The following GNG7 variants were observed in gnomAD, a reference collection of about 807,000 sequenced individuals.
The protein encoded by GNG7 is guanine nucleotide-binding protein G(I)/G(S)/G(O) subunit gamma-7.
GNG7 carries 1 observed loss-of-function variant against 4.0 expected under a neutral mutation model. The ratio of observed to expected loss-of-function variants is 0.25; its 90% CI spans 0.09 to 1.18. GNG7 has a LOEUF of 1.18. Among genes scored for constraint, GNG7 ranks in the 50% most tolerant of loss-of-function variants. The probability of loss-of-function intolerance (pLI) is 0.50; values close to 1 mark genes in which losing one functional copy is unlikely to be tolerated. For synonymous variants in GNG7, 34 were observed against 36.9 expected (o/e 0.92, Z 0.29); for missense variants, 86 against 91.9 (o/e 0.94, Z 0.26).
intron 2 of GNG7, among the ~76,000 whole-genome samples, chr19:2,624,852 T>A (rs558427947): frequency 1.4e-4 from 22 of 152,296 alleles, no homozygotes; most frequent in African/African-American, 5.3e-4. Flanking sequence ...CTCCAGGGTG[T>A]TTACTGAGCT....
intron 3 of GNG7, among the ~76,000 whole-genome samples, chr19:2,528,850 G>A (rs1306676227): frequency 1.3e-5 from 2 of 152,238 alleles, no homozygotes; most frequent in Middle Eastern, 3.2e-3. Flanking sequence ...AGGGGTTCCA[G>A]AGTCTGGCAG....
At chr19:2,623,025 T>A (rs571934322) in intron 2 of GNG7, among the ~76,000 whole-genome samples, 111 of 152,260 alleles carry the variant, frequency 7.3e-4, no homozygotes, top group Non-Finnish European at 3.1e-4. Context: ...CCGGCTAAGG[T>A]CCTCAACACC....
At chr19:2,530,884 G>A (rs527762594) in intron 3 of GNG7, among the ~76,000 whole-genome samples, 70 of 152,302 alleles carry the variant, frequency 4.6e-4, no homozygotes, top group Non-Finnish European at 9.0e-4. Flanking sequence ...CTGAGAGGCC[G>A]AGTGATATTT....
At chr19:2,696,038 T>TGACCCCC (rs1346659820) in intron 1 of GNG7, among the ~76,000 whole-genome samples, 1 of 151,434 alleles carries the variant, frequency 6.6e-6, no homozygotes. Context: ...ATGCCTGTAA[T>TGACCCCC]CCCAGCTACT....
At chr19:2,674,630 T>G (rs1251406557) in intron 1 of GNG7, among the ~76,000 whole-genome samples, 2 of 152,052 alleles carry the variant, frequency 1.3e-5, no homozygotes, top group Non-Finnish European at 2.9e-5. Flanking sequence ...GAGACGAGTT[T>G]TTACCATGTT....
chr19:2,522,613 G>A (rs36044230), intron 3 of GNG7, among the ~76,000 whole-genome samples: 47,629 of 150,862 alleles, frequency 0.32, 7,509 homozygotes, highest in South Asian at 0.39. Flanking sequence ...TCTCCCGGGC[G>A]TGGTGGCGGG....
chr19:2,631,203 G>A (rs1004649275), intron 2 of GNG7, among the ~76,000 whole-genome samples: 3 of 152,136 alleles, frequency 2.0e-5, no homozygotes, highest in Non-Finnish European at 4.4e-5. Flanking sequence ...TCACAGACGA[G>A]GGCATTGAGG....
intron 1 of GNG7, among the ~76,000 whole-genome samples, chr19:2,676,904 C>A (rs1983608912): frequency 6.6e-6 from 1 of 152,122 alleles, no homozygotes; most frequent in Non-Finnish European, 1.5e-5. Flanking sequence ...AAGAAACAAG[C>A]CACTTGCTCC....
At chr19:2,549,548 C>T (rs929903553) in intron 3 of GNG7, among the ~76,000 whole-genome samples, 4 of 152,100 alleles carry the variant, frequency 2.6e-5, no homozygotes, top group African/African-American at 9.7e-5. Flanking sequence ...CTCGGCCTCC[C>T]AAAGTGCTGG....
chr19:2,692,747 C>T (rs1913163861), intron 1 of GNG7, among the ~76,000 whole-genome samples: 3 of 151,890 alleles, frequency 2.0e-5, no homozygotes, highest in Non-Finnish European at 4.4e-5. Flanking sequence ...GAATGTGGGC[C>T]GGCTGCGGTG....
chr19:2,605,167 C>G (rs1298934775), intron 2 of GNG7, among the ~76,000 whole-genome samples: 1 of 152,162 alleles, frequency 6.6e-6, no homozygotes, highest in Non-Finnish European at 1.5e-5. Flanking sequence ...TCTCCCCATG[C>G]CTTTCCTCAT....
chr19:2,692,522 C>G (rs972373320), intron 1 of GNG7, among the ~76,000 whole-genome samples: 4 of 151,734 alleles, frequency 2.6e-5, no homozygotes, highest in African/African-American at 7.3e-5. Context: ...GTAGTCCCAG[C>G]TACTCGGGAG....
In GNG7 at chr19:2,697,677, G is replaced by A. The variant is rs1031031052; in HGVS notation, c.-135+4969C>T. ...TCAGCCGTGAAAGGACACAGCGGCC[G>A]GGCGCGGTGGCTCACGCCTGTCACC... is the stretch of plus-strand genomic sequence containing the variant. On this transcript the variant is annotated intron_variant, in intron 1 of 4. Transcript: ENST00000382159. 7.9e-5 allele frequency among the ~76,000 whole-genome samples: 12 copies of A among 152,322 alleles called. No individual in the cohort carries two copies. In the East Asian group the frequency reaches 9.6e-4, roughly 12 times the overall value.
chr19:2,587,028 A>G (rs1010310623), intron 2 of GNG7, among the ~76,000 whole-genome samples: 1 of 150,776 alleles, frequency 6.6e-6, no homozygotes, highest in African/African-American at 2.4e-5. Context: ...CCTTGAAATC[A>G]TAATGACAGT....
At chr19:2,543,812 C>T (rs1050376021) in intron 3 of GNG7, among the ~76,000 whole-genome samples, 3 of 152,098 alleles carry the variant, frequency 2.0e-5, no homozygotes, top group Non-Finnish European at 4.4e-5. Flanking sequence ...CGCGGCGTGC[C>T]GGGGTGAGTC....
intron 1 of GNG7, among the ~76,000 whole-genome samples, chr19:2,654,569 G>A (rs887839506): frequency 1.6e-4 from 25 of 152,076 alleles, no homozygotes; most frequent in African/African-American, 6.0e-4. Context: ...AAGAGACTGT[G>A]TCCCATGATC....
chr19:2,569,662 A>C (rs374768352), intron 2 of GNG7, among the ~76,000 whole-genome samples: 21 of 152,174 alleles, frequency 1.4e-4, no homozygotes, highest in African/African-American at 5.1e-4. Context: ...CACTGTGGAC[A>C]CTGTAGCCAG....
Position 2,598,654 on chromosome 19 carries a change from C to G in GNG7, c.-77-43466G>C, listed in dbSNP as rs192879078. 9.6e-3 allele frequency among the ~76,000 whole-genome samples: 1,404 copies of G among 146,918 alleles called. 31 individuals carry two copies. Among genetic ancestry groups the G allele is most frequent in the African/African-American group, 0.034 (1,340 of 39,640 alleles). On this transcript the variant is annotated intron_variant, in intron 2 of 4. Transcript: ENST00000382159. ...CCTGAGCGACAGAGCGAGACTCCGT[C>G]TCAAAAAAAATGAAAAGTAATAAAA...
At chr19:2,641,297 G>A (rs1383867039) in intron 2 of GNG7, among the ~76,000 whole-genome samples, 1 of 152,152 alleles carries the variant, frequency 6.6e-6, no homozygotes, top group South Asian at 2.1e-4. Context: ...GGCTCCCAGC[G>A]ACAGCCCCAT....
Sources: gnomAD v4.1 joint callset for allele counts (sites outside exome capture counted in the v4.1 genomes callset) on GRCh38, gnomAD v4.1.1 for gene constraint, MANE v1.5 for transcripts, NCBI Gene and HGNC (gene_info 2026-07-23, HGNC 2026-07-21) for gene names.